SGMS1: variants seen among roughly 807,000 people sequenced by gnomAD.
SGMS1 encodes the protein phosphatidylcholine:ceramide cholinephosphotransferase 1.
Under a neutral mutation model 46.2 loss-of-function variants are expected in SGMS1, and 13 were observed. The ratio of observed to expected loss-of-function variants is 0.28; its 90% CI spans 0.18 to 0.45. SGMS1 has a LOEUF of 0.45. Among genes scored for constraint, SGMS1 ranks in the 20% least tolerant of loss-of-function variants. SGMS1 has a pLI of 1.00. For missense variants in SGMS1, 324 were observed against 519.9 expected, an observed-to-expected ratio of 0.62 and a Z score of 3.66; for synonymous variants, 203 against 187.8, an observed-to-expected ratio of 1.08 and a Z score of -0.66.
chr10:50,386,242 G>A (rs1428678805), intron 6 of SGMS1, among the ~76,000 whole-genome samples: 1 of 152,170 alleles, frequency 6.6e-6, no homozygotes, highest in East Asian at 1.9e-4. Context: ...TAATTATTGT[G>A]TCGCAGCCTT....
At chr10:50,331,669 T>G (rs573540033) in intron 7 of SGMS1, among the ~76,000 whole-genome samples, 27 of 152,348 alleles carry the variant, frequency 1.8e-4, no homozygotes, top group African/African-American at 6.3e-4. Flanking sequence ...CCTGTTGTCC[T>G]TAACACCACT....
chr10:50,355,563 G>A (rs1345061394), intron 6 of SGMS1, among the ~76,000 whole-genome samples: 3 of 152,164 alleles, frequency 2.0e-5, no homozygotes, highest in East Asian at 1.9e-4. Context: ...ACGGAGTCTC[G>A]CTCACTCAGT....
chr10:50,415,043 C>T (rs1849150362), intron 6 of SGMS1, among the ~76,000 whole-genome samples: 1 of 152,198 alleles, frequency 6.6e-6, no homozygotes, highest in African/African-American at 2.4e-5. Flanking sequence ...ATGGCGTCAA[C>T]CCGGGAGGCG....
chr10:50,384,326 TATC>T (rs1202230299), intron 6 of SGMS1, among the ~76,000 whole-genome samples: 1 of 152,146 alleles, frequency 6.6e-6, no homozygotes, highest in Non-Finnish European at 1.5e-5. Flanking sequence ...AAATAAATAA[TATC>T]AACCTCAGAT....
chr10:50,396,767 C>T (rs1848854510), intron 6 of SGMS1, among the ~76,000 whole-genome samples: 1 of 152,174 alleles, frequency 6.6e-6, no homozygotes, highest in African/African-American at 2.4e-5. Flanking sequence ...ATCCCCACCC[C>T]ACCCACAAGT....
At chr10:50,358,116 T>A (rs1398680450) in intron 6 of SGMS1, among the ~76,000 whole-genome samples, 1 of 151,912 alleles carries the variant, frequency 6.6e-6, no homozygotes, top group East Asian at 1.9e-4. Context: ...AACATCTCTA[T>A]TTTTTTTAAA....
At chr10:50,496,354 C>T (rs1217705107) in intron 3 of SGMS1, among the ~76,000 whole-genome samples, 2 of 152,206 alleles carry the variant, frequency 1.3e-5, no homozygotes, top group Non-Finnish European at 2.9e-5. Flanking sequence ...CTTTATCCTC[C>T]AGCCAAATGC....
At chr10:50,341,085 A>T (rs888342523) in intron 7 of SGMS1, 3 of 296,198 alleles carry the variant, frequency 1.0e-5, no homozygotes, top group Non-Finnish European at 2.0e-5. Context: ...GGAGAAGTTA[A>T]CTCTCTGCTA....
At chr10:50,397,846 G>A in intron 6 of SGMS1, among the ~76,000 whole-genome samples, 1 of 152,118 alleles carries the variant, frequency 6.6e-6, no homozygotes, top group Non-Finnish European at 1.5e-5. Context: ...TTTTAAATAA[G>A]TCACTAAAAT....
intron 1 of SGMS1, among the ~76,000 whole-genome samples, chr10:50,622,787 G>C (rs1441864771): frequency 6.6e-6 from 1 of 152,226 alleles, no homozygotes; most frequent in Non-Finnish European, 1.5e-5. Flanking sequence ...GCATTCACCA[G>C]AACGCTCCAG....
At chr10:50,452,436 C>A (rs989596739) in intron 5 of SGMS1, among the ~76,000 whole-genome samples, 2 of 152,024 alleles carry the variant, frequency 1.3e-5, no homozygotes, top group Non-Finnish European at 2.9e-5. Context: ...AACAAAACAA[C>A]AAAATAGGTC....
chr10:50,379,621 A>G (rs1848573264), intron 6 of SGMS1, among the ~76,000 whole-genome samples: 1 of 152,186 alleles, frequency 6.6e-6, no homozygotes, highest in South Asian at 2.1e-4. Context: ...ACTAAAGATT[A>G]CAGAGAGAGT....
chr10:50,370,273 C>T (rs1304246121), intron 6 of SGMS1, among the ~76,000 whole-genome samples: 1 of 151,940 alleles, frequency 6.6e-6, no homozygotes, highest in African/African-American at 2.4e-5. Flanking sequence ...AACATTTTAC[C>T]TTATAAATTT....
At chr10:50,330,670 T>C (rs1847609478) in intron 7 of SGMS1, among the ~76,000 whole-genome samples, 1 of 152,204 alleles carries the variant, frequency 6.6e-6, no homozygotes. Flanking sequence ...TATTAGCTTT[T>C]AGAGATAAAT....
At chr10:50,482,592 C>T (rs1647233019) in intron 3 of SGMS1, among the ~76,000 whole-genome samples, 1 of 152,188 alleles carries the variant, frequency 6.6e-6, no homozygotes. Context: ...TACAAAATCA[C>T]ACTGAAGTAC....
intron 6 of SGMS1, among the ~76,000 whole-genome samples, chr10:50,376,146 G>GT (rs1848518476): frequency 6.6e-6 from 1 of 152,118 alleles, no homozygotes; most frequent in South Asian, 2.1e-4. Context: ...TCACATGGCA[G>GT]TTAACAATGT....
chr10:50,370,742 TAAA>T (rs34960612), intron 6 of SGMS1, among the ~76,000 whole-genome samples: 1 of 134,840 alleles, frequency 7.4e-6, no homozygotes, highest in Admixed American at 7.3e-5. Flanking sequence ...TCCATCTCAA[TAAA>T]AAAAAAAAAA....
upstream of SGMS1, chr10:50,624,091 A>C (rs1387632696): frequency 1.0e-6 from 1 of 984,958 alleles, no homozygotes; most frequent in African/African-American, 1.7e-5. Flanking sequence ...CCCGGGACCG[A>C]GCGGGACCCC....
At chr10:50,577,646 T>C (rs7072826) in intron 2 of SGMS1, among the ~76,000 whole-genome samples, 21,288 of 152,216 alleles carry the variant, frequency 0.14, 1,753 homozygotes, top group Non-Finnish European at 0.19. Context: ...GAACTTTCTA[T>C]ATTTAGGAAA....
Sources: allele counts gnomAD v4.1 joint callset (sites outside exome capture counted in the v4.1 genomes callset), GRCh38; gene constraint gnomAD v4.1.1; transcripts MANE v1.5; gene names NCBI Gene and HGNC (gene_info 2026-07-23, HGNC 2026-07-21).